HIVEP3: variants seen among roughly 807,000 people sequenced by gnomAD.
HIVEP3 encodes transcription factor HIVEP3.
In HIVEP3, 49 loss-of-function variants were observed where a neutral mutation model predicts 152.8. That is an observed-to-expected ratio of 0.32 (90% CI 0.26 to 0.41). The LOEUF (loss-of-function observed/expected upper bound fraction) is 0.41. Ranked by LOEUF, HIVEP3 falls within the 10% of genes least tolerant of loss-of-function variation. The probability of loss-of-function intolerance (pLI) is 1.00; values close to 1 mark genes in which losing one functional copy is unlikely to be tolerated. For synonymous variants in HIVEP3, 1,269 were observed against 1,289.0 expected (o/e 0.98, Z 0.33); for missense variants, 2,790 against 3,103.3 (o/e 0.90, Z 2.40).
intron 5 of HIVEP3, among the ~76,000 whole-genome samples, chr1:41,532,265 C>G (rs1417859588): frequency 2.7e-5 from 4 of 147,914 alleles, no homozygotes; most frequent in African/African-American, 5.0e-5. Context: ...GAAGGGAGGA[C>G]AGGGGAGATA....
intron 7 of HIVEP3, among the ~76,000 whole-genome samples, chr1:41,516,212 A>G (rs1200177365): frequency 6.8e-5 from 1 of 14,788 alleles, no homozygotes; most frequent in African/African-American, 9.6e-5. Flanking sequence ...ATCCAGGCCA[A>G]CGCTCCACAA....
intron 1 of HIVEP3, among the ~76,000 whole-genome samples, chr1:41,837,318 ATTATTT>A (rs1167483630): frequency 1.3e-5 from 2 of 151,816 alleles, no homozygotes; most frequent in Non-Finnish European, 2.9e-5. Context: ...TGCTCTTTTT[ATTATTT>A]TTATTTTTAT....
Position 41,626,156 on chromosome 1 carries a change from C to T in HIVEP3, c.-522+2593G>A, listed in dbSNP as rs146603119. On this transcript the variant is annotated intron_variant, in intron 3 of 8. Transcript: ENST00000372583. The stretch of plus-strand genomic sequence containing the variant: ...AATTCCACACATAGCTGTGCCCAAG[C>T]CTCTGATGGTGCTGATGGGCCACCC... Among the ~76,000 whole-genome samples the T allele has an allele frequency of 1.4e-3, 207 of 152,332 alleles. 1 individual carries two copies. The highest frequency in any genetic ancestry group is 4.3e-3 in the African/African-American group (180 of 41,572).
rs539427340 is a variant in HIVEP3, at chr1:41,743,513, A to G, written c.-800-42518T>C. On this transcript the variant is annotated intron_variant, in intron 1 of 8. Transcript: ENST00000372583. ...GTGAAACATGTCAAATTTAATCACTACTAGTGTTTGCTATGCAGCTCCAAA... is the reference window on the plus strand; with the variant it reads ...GTGAAACATGTCAAATTTAATCACTGCTAGTGTTTGCTATGCAGCTCCAAA... 5.3e-5 allele frequency among the ~76,000 whole-genome samples: 8 copies of G among 152,304 alleles called. No homozygotes were observed. The South Asian group carries it at 1.7e-3, about 32-fold the overall frequency.
chr1:41,566,300 C>A (rs1412084931), intron 5 of HIVEP3, among the ~76,000 whole-genome samples: 3 of 152,164 alleles, frequency 2.0e-5, no homozygotes, highest in Non-Finnish European at 4.4e-5. Context: ...GAGAATCCTC[C>A]CCACTGCCCA....
intron 1 of HIVEP3, among the ~76,000 whole-genome samples, chr1:41,709,325 C>T (rs745350483): frequency 1.4e-4 from 22 of 152,180 alleles, no homozygotes; most frequent in Non-Finnish European, 2.5e-4. Flanking sequence ...AACAGCCAAG[C>T]GAGCTTTAAA....
intron 4 of HIVEP3, among the ~76,000 whole-genome samples, chr1:41,578,126 C>T (rs1644353062): frequency 6.6e-6 from 1 of 152,236 alleles, no homozygotes; most frequent in South Asian, 2.1e-4. Context: ...CTGCCATTTA[C>T]TGTGTGGCCT....
chr1:41,728,772 G>C (rs980156518), intron 1 of HIVEP3, among the ~76,000 whole-genome samples: 16 of 152,216 alleles, frequency 1.1e-4, no homozygotes, highest in African/African-American at 3.9e-4. Context: ...CCAAGGGGTG[G>C]GCATGGTTCT....
intron 1 of HIVEP3, among the ~76,000 whole-genome samples, chr1:41,846,119 C>A (rs2124375856): frequency 6.6e-6 from 1 of 152,264 alleles, no homozygotes; most frequent in Non-Finnish European, 1.5e-5. Flanking sequence ...GAATAACATT[C>A]ATTCCTCAGC....
intron 1 of HIVEP3, among the ~76,000 whole-genome samples, chr1:41,804,173 C>T (rs542756780): frequency 3.9e-5 from 6 of 152,200 alleles, no homozygotes; most frequent in South Asian, 2.1e-4. Context: ...AAACCCACTT[C>T]GAATGTCCCC....
At chr1:41,671,655 G>C (rs543369175) in intron 2 of HIVEP3, among the ~76,000 whole-genome samples, 2 of 152,334 alleles carry the variant, frequency 1.3e-5, no homozygotes, top group Non-Finnish European at 2.9e-5. Flanking sequence ...CAGAACAGGG[G>C]ACCTCCTGGA....
intron 2 of HIVEP3, among the ~76,000 whole-genome samples, chr1:41,638,250 AAG>A (rs1223170754): frequency 1.3e-5 from 1 of 78,130 alleles, no homozygotes; most frequent in Admixed American, 1.2e-4. Context: ...GAAATAAAGA[AAG>A]AGAGAGAAAG....
Position 41,662,711 on chromosome 1 carries a change from C to T in HIVEP3, c.-720-33764G>A, listed in dbSNP as rs1348024588. 6.6e-6 allele frequency among the ~76,000 whole-genome samples: 1 copy of T among 151,500 alleles called. No individual in the cohort carries two copies. Among genetic ancestry groups the T allele is most frequent in the Non-Finnish European group, 1.5e-5 (1 of 67,750 alleles). On this transcript the variant is annotated intron_variant, in intron 2 of 8. Coordinates refer to ENST00000372583, the MANE Select transcript of HIVEP3 (RefSeq NM_024503.5). This position sits in a 1 kb window ranked among gnomAD's most constrained non-coding sequence, Gnocchi z 7.2. The stretch of plus-strand genomic sequence containing the variant: ...TCACTCCGGGCGCCGCCCCTCCCTC[C>T]GCGCCCGCCCCGGCTCCGGCGCTGT...
chr1:41,821,105 G>A (rs923522726), intron 1 of HIVEP3, among the ~76,000 whole-genome samples: 2 of 152,170 alleles, frequency 1.3e-5, no homozygotes, highest in African/African-American at 4.8e-5. Context: ...GAGCCGTAAA[G>A]CTCTTAGGTG....
intron 5 of HIVEP3, among the ~76,000 whole-genome samples, chr1:41,554,265 C>T (rs1413169583): frequency 1.3e-5 from 2 of 152,252 alleles, no homozygotes; most frequent in South Asian, 2.1e-4. Context: ...ATCACTGATA[C>T]CCTTTCTTCC....
intron 1 of HIVEP3, among the ~76,000 whole-genome samples, chr1:41,743,553 G>A (rs1369617176): frequency 6.6e-6 from 1 of 152,196 alleles, no homozygotes; most frequent in African/African-American, 2.4e-5. Flanking sequence ...AGGATAAGGA[G>A]ATGGTGGGGG....
chr1:41,691,043 G>A (rs1456202747), intron 2 of HIVEP3, among the ~76,000 whole-genome samples: 3 of 152,136 alleles, frequency 2.0e-5, no homozygotes, highest in African/African-American at 7.2e-5. Context: ...TCTTTGCCTC[G>A]GCTATAAAAT....
At chr1:41,781,989 G>A (rs1649074103) in intron 1 of HIVEP3, among the ~76,000 whole-genome samples, 1 of 152,182 alleles carries the variant, frequency 6.6e-6, no homozygotes, top group South Asian at 2.1e-4. Context: ...TCTAGGCACT[G>A]GGAAATGCCC....
At chr1:41,777,889 C>T (rs1648809335) in intron 1 of HIVEP3, among the ~76,000 whole-genome samples, 3 of 152,180 alleles carry the variant, frequency 2.0e-5, no homozygotes, top group African/African-American at 7.2e-5. Context: ...TATCATGTGG[C>T]CCCAGAATAG....
Sources: gnomAD v4.1 joint callset for allele counts (sites outside exome capture counted in the v4.1 genomes callset) on GRCh38, gnomAD v4.1.1 for gene constraint, Gnocchi (gnomAD v3.1) non-coding constraint, MANE v1.5 for transcripts, NCBI Gene and HGNC (gene_info 2026-07-23, HGNC 2026-07-21) for gene names.